The following DISC1 variants were observed in gnomAD, a reference collection of about 807,000 sequenced individuals.
DISC1 encodes disrupted in schizophrenia 1 protein.
DISC1 carries 57 observed loss-of-function variants against 84.5 expected under a neutral mutation model. That is an observed-to-expected ratio of 0.67 (90% confidence interval 0.55 to 0.84). DISC1 has a LOEUF of 0.84. Among genes scored for constraint, DISC1 ranks in the 40% least tolerant of loss-of-function variants. The pLI, the probability that DISC1 is intolerant of heterozygous loss-of-function variation, is 0.00. For synonymous variants in DISC1, 411 were observed against 415.2 expected (o/e 0.99, Z 0.12); for missense variants, 1,000 against 1,057.8 (o/e 0.95, Z 0.76).
rs1574212699 is a variant in DISC1, at chr1:231,843,048, C to T, written c.1981+24531C>T. Among the ~76,000 whole-genome samples the T allele has an allele frequency of 4.6e-5, 7 of 152,040 alleles. No individual in the cohort carries two copies. The South Asian group carries it at 1.2e-3, about 27-fold the overall frequency. ...ATCCTGGTCCTCTAGAATGCTAGAG[C>T]CCACTGGGAGACACCACCAGAAAAC... On this transcript the variant is annotated intron_variant, in intron 9 of 12. Coordinates refer to ENST00000439617, the MANE Select transcript of DISC1 (RefSeq NM_018662.3).
In DISC1 at chr1:231,800,098, C is replaced by G. The variant is rs776692455; in HGVS notation, c.1690-10C>G. 3.6e-5 allele frequency: 58 copies of G among 1,600,058 alleles called. 1 individual carries two copies. The Admixed American group carries it at 9.5e-4, about 26-fold the overall frequency. On this transcript the variant is annotated splice_polypyrimidine_tract_variant and intron_variant, in intron 7 of 12. Coordinates refer to ENST00000439617, the MANE Select transcript of DISC1 (RefSeq NM_018662.3). Reference sequence around the variant, plus strand: ...TAAATGATGATTCCTGGTCATTTCTCTCCCCCTAGGTGTGTATGAGTGAGA... The same window carrying G: ...TAAATGATGATTCCTGGTCATTTCTGTCCCCCTAGGTGTGTATGAGTGAGA...
intron 9 of DISC1, among the ~76,000 whole-genome samples, chr1:231,890,498 T>C (rs893190716): frequency 6.6e-6 from 1 of 152,152 alleles, no homozygotes; most frequent in South Asian, 2.1e-4. Flanking sequence ...TATATATGAT[T>C]TAACTTAGAT....
intron 6 of DISC1, chr1:231,774,897 G>A: frequency 2.7e-6 from 1 of 374,926 alleles, no homozygotes; most frequent in South Asian, 2.0e-5. Flanking sequence ...TGAAGTATTG[G>A]TTGTCTTTTA....
intron 1 of DISC1, among the ~76,000 whole-genome samples, chr1:231,628,899 G>A (rs1457396412): frequency 6.6e-6 from 1 of 151,718 alleles, no homozygotes; most frequent in East Asian, 1.9e-4. Context: ...ATGCCACCAT[G>A]CCCAGCTAAT....
chr1:231,648,542 G>A (rs563845920), intron 1 of DISC1, among the ~76,000 whole-genome samples: 5 of 152,260 alleles, frequency 3.3e-5, no homozygotes, highest in African/African-American at 1.2e-4. Context: ...TCTCTGCCAG[G>A]CTTTGGTATC....
intron 9 of DISC1, among the ~76,000 whole-genome samples, chr1:231,870,433 G>T (rs964263175): frequency 1.3e-5 from 2 of 152,242 alleles, no homozygotes; most frequent in African/African-American, 4.8e-5. Flanking sequence ...AGGTGTAATA[G>T]ATTTGCAGCT....
rs145055768 is a variant in DISC1 at position 231,719,019 on chromosome 1, G to T, written c.1117+16995G>T. Among the ~76,000 whole-genome samples the T allele has an allele frequency of 1.6e-3, 237 of 152,270 alleles. 1 individual carries two copies. Among genetic ancestry groups the T allele is most frequent in the African/African-American group, 5.4e-3 (223 of 41,554 alleles). ...GTGCATCAATAGACTCAGCTACATG[G>T]GAGGCTGAGGCTGGAGGATTGTTTA... On this transcript the variant is annotated intron_variant, in intron 3 of 12. Coordinates refer to ENST00000439617, the MANE Select transcript of DISC1 (RefSeq NM_018662.3).
chr1:231,683,972 C>T (rs1266735259), intron 1 of DISC1, among the ~76,000 whole-genome samples: 3 of 152,076 alleles, frequency 2.0e-5, no homozygotes, highest in African/African-American at 7.2e-5. Context: ...AATGACCTCA[C>T]CCTCCTTTTT....
chr1:231,694,499 C>A lies in DISC1; in HGVS notation c.741C>A (p.Ala247=). 1 of 1,614,280 alleles carries A rather than the reference C, an allele frequency of 6.2e-7. No individual in the cohort carries two copies. Among genetic ancestry groups the A allele is most frequent in the East Asian group, 2.2e-5 (1 of 44,890 alleles). ...GCCAGAGCCCCCAGGAGATGGGAGC[C>A]AAAGCTGCCAGCTTGGACGGGCCTC... ...SHCQSPQEMG[A]KAASLDGPHE... Residue 247 remains alanine (A), a synonymous_variant, in exon 2 of 13, where the codon GCC becomes GCA. Transcript: ENST00000439617.
intron 9 of DISC1, among the ~76,000 whole-genome samples, chr1:231,938,253 C>T (rs1190906217): frequency 1.3e-5 from 2 of 152,116 alleles, no homozygotes; most frequent in African/African-American, 2.4e-5. Context: ...CTGGTTTATC[C>T]AGATGGGCCC....
At position 231,669,149 on chromosome 1, in the gene DISC1, A is replaced by G. The variant is rs992906387; in HGVS notation, c.68-24677A>G. Among the ~76,000 whole-genome samples the G allele has an allele frequency of 4.6e-5, 7 of 152,334 alleles. 1 individual carries two copies. The South Asian group carries it at 1.0e-3, about 23-fold the overall frequency. ...GGAAGTCAGGGAGCAAAGGAGAGTTAATAGGGATGACATGGAAGAATTGCA... is the reference window on the plus strand; with the variant it reads ...GGAAGTCAGGGAGCAAAGGAGAGTTGATAGGGATGACATGGAAGAATTGCA... On this transcript the variant is annotated intron_variant, in intron 1 of 12. Transcript: ENST00000439617.
intron 3 of DISC1, among the ~76,000 whole-genome samples, chr1:231,708,639 G>C (rs904088730): frequency 1.3e-5 from 2 of 152,168 alleles, no homozygotes; most frequent in African/African-American, 4.8e-5. Flanking sequence ...TGAGGTCACG[G>C]AATCTGCTGA....
rs2087744894 is a variant in DISC1 at position 231,897,013 on chromosome 1, C to T, written c.1982-61815C>T. On this transcript the variant is annotated intron_variant, in intron 9 of 12. Transcript: ENST00000439617. This position sits in a 1 kb window ranked among gnomAD's most constrained non-coding sequence, Gnocchi z 4.5. ...CACTGACTGTTACGGGATCTAGAAACATACATGATCAGACACGTGAACCCA... is the reference window on the plus strand; with the variant it reads ...CACTGACTGTTACGGGATCTAGAAATATACATGATCAGACACGTGAACCCA... Among the ~76,000 whole-genome samples, 1 of 152,148 alleles carries T rather than the reference C, an allele frequency of 6.6e-6. No individual in the cohort carries two copies. The highest frequency in any genetic ancestry group is 6.5e-5 in the Admixed American group (1 of 15,274).
chr1:231,810,524 A>G (rs2080193803), intron 8 of DISC1, among the ~76,000 whole-genome samples: 1 of 152,214 alleles, frequency 6.6e-6, no homozygotes, highest in African/African-American at 2.4e-5. Flanking sequence ...GAGAATAAGC[A>G]CAAGCTATTA....
chr1:231,857,177 C>T (rs1237932764), intron 9 of DISC1, among the ~76,000 whole-genome samples: 1 of 152,202 alleles, frequency 6.6e-6, no homozygotes, highest in Non-Finnish European at 1.5e-5. Context: ...GCGGTCAAGG[C>T]ACTCTGTGAG....
In DISC1 at chr1:231,946,246, C is replaced by G. The variant is rs946207856; in HGVS notation, c.1982-12582C>G. Among the ~76,000 whole-genome samples, 137 of 152,264 alleles carry G rather than the reference C, an allele frequency of 9.0e-4. 3 individuals carry two copies. The highest frequency in any genetic ancestry group is 5.9e-5 in the Non-Finnish European group (4 of 68,006). On this transcript the variant is annotated intron_variant, in intron 9 of 12. Coordinates refer to ENST00000439617, the MANE Select transcript of DISC1 (RefSeq NM_018662.3). ...TGGCAAACCGAATCCAGCAGCACAT[C>G]AAAAAGCTTATCCACCACAATCAAG...
intron 9 of DISC1, among the ~76,000 whole-genome samples, chr1:231,912,412 A>G (rs2089281724): frequency 6.6e-6 from 1 of 152,242 alleles, no homozygotes; most frequent in Admixed American, 6.5e-5. Context: ...CAGGACCCTC[A>G]GCTGCAGGTC....
chr1:231,929,493 T>G (rs1459668325), intron 9 of DISC1, among the ~76,000 whole-genome samples: 5 of 152,252 alleles, frequency 3.3e-5, no homozygotes, highest in Non-Finnish European at 5.9e-5. Context: ...GCTGTGCTGT[T>G]ATTTTTCCCA....
chr1:231,850,579 T>A (rs1303577087), intron 9 of DISC1, among the ~76,000 whole-genome samples: 1 of 152,224 alleles, frequency 6.6e-6, no homozygotes, highest in Non-Finnish European at 1.5e-5. Context: ...GAGATATCGA[T>A]CCTGTACGAA....
Sources: allele counts gnomAD v4.1 joint callset (sites outside exome capture counted in the v4.1 genomes callset), GRCh38; gene constraint gnomAD v4.1.1; non-coding constraint Gnocchi (gnomAD v3.1); transcripts MANE v1.5; gene names NCBI Gene and HGNC (gene_info 2026-07-23, HGNC 2026-07-21).